The following YWHAQ variants were observed in gnomAD, a reference collection of about 807,000 sequenced individuals.
YWHAQ encodes 14-3-3 protein theta.
A neutral mutation model predicts 28.3 loss-of-function variants in YWHAQ; 6 were observed. The ratio of observed to expected loss-of-function variants is 0.21; its 90% CI spans 0.12 to 0.42. The LOEUF (loss-of-function observed/expected upper bound fraction) is 0.42, where lower values mean the gene tolerates loss of function less well. Among genes scored for constraint, YWHAQ ranks in the 10% least tolerant of loss-of-function variants. YWHAQ has a pLI of 1.00. For missense variants in YWHAQ, 201 were observed against 305.6 expected (o/e 0.66, Z 2.55); for synonymous variants, 143 against 119.1 (o/e 1.20, Z -1.31).
At chr2:9,588,104 A>G (rs1666382967) in intron 4 of YWHAQ, 61 bp downstream of exon 4, 2 of 1,472,032 alleles carry the variant, frequency 1.4e-6, no homozygotes, top group African/African-American at 2.9e-5. Flanking sequence ...CTATAAATTA[A>G]CATACCTGGT....
rs1666701080 is a variant in YWHAQ, at chr2:9,601,886, G to A, written c.295-10371C>T. On this transcript the variant is annotated intron_variant, in intron 2 of 5. Transcript: ENST00000238081. ...TGGTCTCGATCTCCTGACCTCAGAT[G>A]ATTTGCCTGCCTCGGCCTCCCAAAG... is the stretch of plus-strand genomic sequence containing the variant. Among the ~76,000 whole-genome samples the A allele has an allele frequency of 1.3e-5, 2 of 152,132 alleles. 1 individual carries two copies. Among genetic ancestry groups the A allele is most frequent in the South Asian group, 4.1e-4 (2 of 4,830 alleles).
intron 2 of YWHAQ, among the ~76,000 whole-genome samples, chr2:9,595,544 A>G (rs1666551186): frequency 6.6e-6 from 1 of 151,992 alleles, no homozygotes; most frequent in Non-Finnish European, 1.5e-5. Context: ...ATTTCTACTA[A>G]AAATACAAAA....
intron 2 of YWHAQ, among the ~76,000 whole-genome samples, chr2:9,601,267 G>A (rs1666686623): frequency 6.6e-6 from 1 of 152,122 alleles, no homozygotes; most frequent in African/African-American, 2.4e-5. Flanking sequence ...TTTGAGACCA[G>A]CCTGGCCAAC....
intron 2 of YWHAQ, among the ~76,000 whole-genome samples, chr2:9,592,825 GGTTT>G (rs772971889): frequency 2.6e-5 from 4 of 152,092 alleles, no homozygotes; most frequent in Non-Finnish European, 5.9e-5. Flanking sequence ...CTACTTCATT[GGTTT>G]GTTTTGAGAA....
intron 2 of YWHAQ, chr2:9,620,801 G>A (rs1162346438): frequency 6.6e-6 from 1 of 152,166 alleles, no homozygotes; most frequent in African/African-American, 2.4e-5. Context: ...GAAATGGGAA[G>A]GGTGGGGAAG....
intron 2 of YWHAQ, among the ~76,000 whole-genome samples, chr2:9,612,773 C>T (rs1666974395): frequency 1.3e-5 from 2 of 152,198 alleles, no homozygotes; most frequent in East Asian, 1.9e-4. Flanking sequence ...AAGATAAAGC[C>T]ACCCGAGCCC....
chr2:9,588,491 C>A (rs1390865872), intron 3 of YWHAQ, among the ~76,000 whole-genome samples, 163 bp from the exon 4 acceptor site: 1 of 152,168 alleles, frequency 6.6e-6, no homozygotes, highest in Non-Finnish European at 1.5e-5. Flanking sequence ...ATTATCGTGG[C>A]CAGGCGCGGT....
At chr2:9,619,404 C>G (rs1027210897) in intron 2 of YWHAQ, among the ~76,000 whole-genome samples, 4 of 151,998 alleles carry the variant, frequency 2.6e-5, no homozygotes, top group African/African-American at 7.3e-5. Flanking sequence ...ATGAAAAACC[C>G]TAACAATAAA....
intron 2 of YWHAQ, among the ~76,000 whole-genome samples, chr2:9,603,685 A>G (rs13013116): frequency 1.3e-5 from 2 of 152,008 alleles, no homozygotes; most frequent in East Asian, 3.9e-4. Context: ...ACACTTCGGG[A>G]GGCTGAGGCA....
chr2:9,593,943 CTTT>C (rs1174759517), intron 2 of YWHAQ, among the ~76,000 whole-genome samples: 9 of 145,564 alleles, frequency 6.2e-5, no homozygotes, highest in Non-Finnish European at 1.2e-4. Context: ...CACACACACA[CTTT>C]TTTAAGGGCC....
At chr2:9,621,569 G>A (rs1667143318) in intron 2 of YWHAQ, among the ~76,000 whole-genome samples, 1 of 151,150 alleles carries the variant, frequency 6.6e-6, no homozygotes, top group Non-Finnish European at 1.5e-5. Context: ...GTTACAAGCT[G>A]AAGACATAAG....
intron 2 of YWHAQ, among the ~76,000 whole-genome samples, chr2:9,608,549 A>T (rs1273428980): frequency 6.6e-6 from 1 of 152,230 alleles, no homozygotes; most frequent in Non-Finnish European, 1.5e-5. Context: ...AATGGGCTGG[A>T]GCACAGTGTG....
At chr2:9,621,747 T>C (rs867498529) in intron 2 of YWHAQ, among the ~76,000 whole-genome samples, 27 of 152,310 alleles carry the variant, frequency 1.8e-4, no homozygotes, top group African/African-American at 5.3e-4. Flanking sequence ...CATACGTTTA[T>C]TGCAGCACTA....
intron 2 of YWHAQ, among the ~76,000 whole-genome samples, chr2:9,624,925 G>A (rs1464953095): frequency 6.6e-6 from 1 of 151,788 alleles, no homozygotes; most frequent in Non-Finnish European, 1.5e-5. Flanking sequence ...TGTATTTTTA[G>A]TAGAGATGGG....
intron 5 of YWHAQ, 54 bp downstream of exon 5, chr2:9,587,360 A>C (rs1558540249): frequency 2.0e-6 from 3 of 1,506,150 alleles, no homozygotes; most frequent in Non-Finnish European, 2.7e-6. Context: ...AAAATAAAAT[A>C]TAAATACTTT....
intron 2 of YWHAQ, among the ~76,000 whole-genome samples, chr2:9,617,970 C>A (rs1469024522): frequency 6.6e-6 from 1 of 151,162 alleles, no homozygotes; most frequent in Admixed American, 6.6e-5. Flanking sequence ...CACAAATAAA[C>A]CTTGAGGGCA....
chr2:9,602,862 A>AAAAATATAT (rs1666739720), intron 2 of YWHAQ, among the ~76,000 whole-genome samples: 1 of 20,872 alleles, frequency 4.8e-5, no homozygotes, highest in Non-Finnish European at 7.7e-5. Flanking sequence ...AAAAAAAAAA[A>AAAAATATAT]ATATATATAT....
In YWHAQ at chr2:9,630,475, G is replaced by T. The variant is rs559702166; in HGVS notation, c.-23C>A. 1.3e-5 allele frequency: 20 copies of T among 1,570,318 alleles called. No individual in the cohort carries two copies. In the African/African-American group the frequency reaches 2.7e-4, roughly 21 times the overall value. On this transcript the variant is annotated 5_prime_UTR_variant, in exon 2 of 6. Transcript: ENST00000238081. The surrounding 1 kb of genome is among the most constrained non-coding windows in gnomAD (Gnocchi z 5.6). Reference sequence around the variant, plus strand: ...CATGGCGGGCGCGGGGCCGGGGCCGGGGCGGAGGGCGAGGAGAGCGAGGGC... The same window carrying T: ...CATGGCGGGCGCGGGGCCGGGGCCGTGGCGGAGGGCGAGGAGAGCGAGGGC...
intron 2 of YWHAQ, among the ~76,000 whole-genome samples, chr2:9,625,656 G>C (rs1049467928): frequency 2.0e-5 from 3 of 152,132 alleles, no homozygotes; most frequent in Non-Finnish European, 4.4e-5. Flanking sequence ...CCTCAACTCT[G>C]AAACAGAGAT....
Sources: gnomAD v4.1 joint callset for allele counts (sites outside exome capture counted in the v4.1 genomes callset) on GRCh38, gnomAD v4.1.1 for gene constraint, Gnocchi (gnomAD v3.1) non-coding constraint, MANE v1.5 for transcripts, NCBI Gene and HGNC (gene_info 2026-07-23, HGNC 2026-07-21) for gene names.